Variants in FAM227B observed in about 807,000 individuals in gnomAD.
FAM227B encodes family with sequence similarity 227 member B.
A neutral mutation model predicts 73.8 loss-of-function variants in FAM227B; 88 were observed. The ratio of observed to expected loss-of-function variants is 1.19; its 90% confidence interval spans 1.00 to 1.42. The LOEUF is 1.42. FAM227B is among the 40% of genes most tolerant of loss of function. The pLI is 0.00. For missense variants in FAM227B, 632 were observed against 590.9 expected, an observed-to-expected ratio of 1.07 and a Z score of -0.72; for synonymous variants, 210 against 190.5, an observed-to-expected ratio of 1.10 and a Z score of -0.84.
At chr15:49,499,988 T>C (rs2058008369) in intron 11 of FAM227B, among the ~76,000 whole-genome samples, 1 of 152,246 alleles carries the variant, frequency 6.6e-6, no homozygotes, top group East Asian at 1.9e-4. Flanking sequence ...TATTAAAAAA[T>C]TGATAAATGG....
At chr15:49,552,942 T>C (rs912031406) in intron 9 of FAM227B, among the ~76,000 whole-genome samples, 2 of 152,212 alleles carry the variant, frequency 1.3e-5, no homozygotes, top group African/African-American at 4.8e-5. Context: ...AGGTCACATA[T>C]CTCTGTTTCT....
At chr15:49,471,594 T>C (rs895839325) in intron 11 of FAM227B, among the ~76,000 whole-genome samples, 1 of 151,690 alleles carries the variant, frequency 6.6e-6, no homozygotes. Flanking sequence ...GTACTGAACA[T>C]AGTTAAGTAA....
intron 10 of FAM227B, among the ~76,000 whole-genome samples, chr15:49,526,277 C>T (rs367719213): frequency 6.6e-5 from 10 of 151,854 alleles, no homozygotes; most frequent in South Asian, 6.2e-4. Context: ...TACAGGGAAA[C>T]GAAACAACTT....
chr15:49,567,335 A>T (rs1313592616), intron 9 of FAM227B, among the ~76,000 whole-genome samples: 1 of 152,148 alleles, frequency 6.6e-6, no homozygotes, highest in Non-Finnish European at 1.5e-5. Flanking sequence ...TATACAACCC[A>T]GCTGTCAACC....
At chr15:49,386,420 A>C (rs906565465) in intron 11 of FAM227B, among the ~76,000 whole-genome samples, 3 of 148,042 alleles carry the variant, frequency 2.0e-5, no homozygotes, top group Non-Finnish European at 4.4e-5. Flanking sequence ...TAACAATGAA[A>C]TCAAGATGGA....
chr15:49,494,444 A>G (rs184330732), intron 11 of FAM227B, among the ~76,000 whole-genome samples: 322 of 152,254 alleles, frequency 2.1e-3, no homozygotes, highest in South Asian at 7.5e-3. Context: ...CTGGAAGTCC[A>G]TGTTACAAGA....
rs8030206 is a variant in FAM227B at position 49,596,695 on chromosome 15, T to A, written c.106-6688A>T. 4.7e-3 allele frequency among the ~76,000 whole-genome samples: 711 copies of A among 152,058 alleles called. 8 individuals carry two copies. The highest frequency in any genetic ancestry group is 0.016 in the African/African-American group (673 of 41,542). ...ACAGAATGGCAGAATGGATAAGAATTCATCAACCCAGTATCTGTTATCTTC... is the reference window on the plus strand; with the variant it reads ...ACAGAATGGCAGAATGGATAAGAATACATCAACCCAGTATCTGTTATCTTC... On this transcript the variant is annotated intron_variant, in intron 3 of 15. Coordinates refer to ENST00000299338, the MANE Select transcript of FAM227B (RefSeq NM_152647.3).
chr15:49,467,826 C>T (rs1340012679), intron 11 of FAM227B, among the ~76,000 whole-genome samples: 2 of 151,996 alleles, frequency 1.3e-5, no homozygotes, highest in Admixed American at 6.6e-5. Flanking sequence ...AAGGTGGGTC[C>T]CTTGCATTCC....
intron 11 of FAM227B, among the ~76,000 whole-genome samples, chr15:49,421,229 A>G (rs976682265): frequency 7.9e-5 from 12 of 152,212 alleles, no homozygotes; most frequent in African/African-American, 2.9e-4. Flanking sequence ...GAATTCATTT[A>G]GAAGCATAAG....
At chr15:49,410,871 A>C (rs1467984490) in intron 11 of FAM227B, among the ~76,000 whole-genome samples, 1 of 152,046 alleles carries the variant, frequency 6.6e-6, no homozygotes, top group Non-Finnish European at 1.5e-5. Flanking sequence ...AGATTGAAAA[A>C]ATGATAAACA....
chr15:49,498,039 C>A (rs925378552), intron 11 of FAM227B, among the ~76,000 whole-genome samples: 2 of 152,182 alleles, frequency 1.3e-5, no homozygotes, highest in African/African-American at 4.8e-5. Context: ...AAAATTTAAT[C>A]CAGGAAAAGA....
At chr15:49,354,872 C>T (rs1166380651) in intron 13 of FAM227B, among the ~76,000 whole-genome samples, 1 of 151,924 alleles carries the variant, frequency 6.6e-6, no homozygotes, top group Non-Finnish European at 1.5e-5. Flanking sequence ...AGTGGTTCTC[C>T]CAGCATGCAG....
chr15:49,401,683 G>C (rs917391644), intron 11 of FAM227B, among the ~76,000 whole-genome samples: 1 of 132,408 alleles, frequency 7.6e-6, no homozygotes, highest in African/African-American at 2.7e-5. Context: ...AAAAAATGAT[G>C]AGTTCATGTC....
intron 13 of FAM227B, among the ~76,000 whole-genome samples, chr15:49,359,903 G>A (rs1488712036): frequency 5.4e-5 from 8 of 148,050 alleles, no homozygotes; most frequent in South Asian, 2.2e-4. Context: ...GGAATACTAC[G>A]CAGCCATAAA....
chr15:49,568,010 GCAAA>G (rs1567597427), intron 9 of FAM227B, among the ~76,000 whole-genome samples: 1 of 151,916 alleles, frequency 6.6e-6, no homozygotes, highest in Non-Finnish European at 1.5e-5. Context: ...TTATTAATAT[GCAAA>G]CAAAGTTCCT....
intron 10 of FAM227B, among the ~76,000 whole-genome samples, chr15:49,534,130 G>A (rs1225253505): frequency 1.3e-5 from 2 of 151,806 alleles, no homozygotes; most frequent in Non-Finnish European, 2.9e-5. Flanking sequence ...CTCACAGGAA[G>A]TAATCATTTC....
At chr15:49,502,954 C>A (rs1358179519) in intron 11 of FAM227B, among the ~76,000 whole-genome samples, 1 of 152,110 alleles carries the variant, frequency 6.6e-6, no homozygotes, top group Non-Finnish European at 1.5e-5. Context: ...TGTGTGGCAC[C>A]CCGCATTGCC....
At chr15:49,499,235 C>T (rs1423502425) in intron 11 of FAM227B, among the ~76,000 whole-genome samples, 3 of 144,234 alleles carry the variant, frequency 2.1e-5, no homozygotes, top group African/African-American at 7.6e-5. Context: ...AACAAAAAGA[C>T]TTAACTGTCC....
At chr15:49,387,833 C>G (rs1413355656) in intron 11 of FAM227B, among the ~76,000 whole-genome samples, 1 of 151,588 alleles carries the variant, frequency 6.6e-6, no homozygotes, top group Admixed American at 6.6e-5. Context: ...TGTATAGCAT[C>G]AAGCTGAGAA....
Sources: gnomAD v4.1 joint callset for allele counts (sites outside exome capture counted in the v4.1 genomes callset) on GRCh38, gnomAD v4.1.1 for gene constraint, MANE v1.5 for transcripts, NCBI Gene and HGNC (gene_info 2026-07-23, HGNC 2026-07-21) for gene names.